Variants in STMP1 observed in about 807,000 individuals in gnomAD.
STMP1 encodes mitolamban.
Under a neutral mutation model 7.0 loss-of-function variants are expected in STMP1, and 7 were observed. The ratio of observed to expected loss-of-function variants is 1.01; its 90% CI spans 0.57 to 1.89. STMP1 has a LOEUF of 1.89. Among genes scored for constraint, STMP1 ranks in the 40% most tolerant of loss-of-function variants. STMP1 has a pLI of 0.00. For missense variants in STMP1, 45 were observed against 53.0 expected (o/e 0.85, Z 0.47); for synonymous variants, 19 against 18.4 (o/e 1.03, Z -0.08).
chr7:135,668,827 T>C (rs192743240), intron 1 of STMP1, among the ~76,000 whole-genome samples: 2 of 152,380 alleles, frequency 1.3e-5, no homozygotes, highest in Admixed American at 6.5e-5. Flanking sequence ...AGTCATCACA[T>C]GTCCATTCCC....
At chr7:135,663,640 G>A (rs895754434) in intron 1 of STMP1, among the ~76,000 whole-genome samples, 1 of 151,760 alleles carries the variant, frequency 6.6e-6, no homozygotes, top group East Asian at 1.9e-4. Flanking sequence ...CACTGCTCCC[G>A]GCTCAAATGC....
chr7:135,672,137 G>A (rs991095757), intron 1 of STMP1, among the ~76,000 whole-genome samples: 3 of 152,060 alleles, frequency 2.0e-5, no homozygotes, highest in African/African-American at 4.8e-5. Context: ...GAGCCACCAC[G>A]CCTGGCTAAT....
intron 1 of STMP1, among the ~76,000 whole-genome samples, chr7:135,665,333 C>T (rs540916064): frequency 8.5e-5 from 13 of 152,164 alleles, no homozygotes; most frequent in Admixed American, 3.9e-4. Flanking sequence ...TTGGTGATAA[C>T]GTCCTTCCAT....
At chr7:135,667,015 ATCC>A (rs1196928983) in intron 1 of STMP1, among the ~76,000 whole-genome samples, 1 of 152,150 alleles carries the variant, frequency 6.6e-6, no homozygotes, top group African/African-American at 2.4e-5. Flanking sequence ...ATTTCTCCAC[ATCC>A]TCGCCAACAT....
intron 1 of STMP1, among the ~76,000 whole-genome samples, chr7:135,668,366 A>C (rs1183772931): frequency 1.3e-5 from 2 of 152,028 alleles, no homozygotes; most frequent in Non-Finnish European, 2.9e-5. Flanking sequence ...CAGTGCTTTC[A>C]TCATGTTGCT....
At chr7:135,674,003 G>A in intron 2 of STMP1, 88 bp from the exon 3 acceptor site, 2 of 831,948 alleles carry the variant, frequency 2.4e-6, no homozygotes, top group Non-Finnish European at 3.8e-6. Context: ...ATAAAAGCTT[G>A]TAAAACCATT....
Position 135,675,443 on chromosome 7 carries a change from C to T in STMP1, c.*1278C>T, listed in dbSNP as rs73452485. 1 of 151,590 alleles carries T rather than the reference C, an allele frequency of 6.6e-6. No individual in the cohort carries two copies. The highest frequency in any genetic ancestry group is 2.4e-5 in the African/African-American group (1 of 41,342). The allele number at this position is 151,590 out of a possible 1,614,324, so 9.4% of individuals were successfully genotyped here. A position where few individuals can be genotyped will look rare whatever the true frequency, so the allele number is the denominator to read the frequency against. On this transcript the variant is annotated 3_prime_UTR_variant, in exon 3 of 3. Transcript: ENST00000507606. ...GCAAGGAACCTCATTCTTTTTTTGG[C>T]TGCCTAAAATTTTTTTGAATAGATA...
At chr7:135,662,679 C>G (rs1795246686) in intron 1 of STMP1, 85 bp downstream of exon 1, 2 of 1,471,950 alleles carry the variant, frequency 1.4e-6, no homozygotes, top group Non-Finnish European at 1.8e-6. Context: ...CCGACCCCGC[C>G]GACCCGGCCT....
intron 2 of STMP1, 50 bp from the exon 3 acceptor site, chr7:135,674,041 A>G: frequency 8.6e-7 from 1 of 1,167,516 alleles, no homozygotes; most frequent in East Asian, 2.6e-5. Context: ...AAGTACAAGA[A>G]TATTGATTAG....
In STMP1 at chr7:135,674,106, A is replaced by C; in HGVS notation, c.85A>C (p.Lys29Gln). The change falls in exon 3 of 3, where the codon AAA becomes CAA. Residue 29 changes from lysine to glutamine, a missense_variant. Coordinates refer to ENST00000507606, the MANE Select transcript of STMP1 (RefSeq NM_001130929.2). ...AQNYDIPNLAKKLEEIKKDLD... is the reference protein window; with the variant it reads ...AQNYDIPNLAQKLEEIKKDLD... ...CTCTTCAAAGATACCAAACCTGGCTAAAAAACTTGAAGAAATTAAAAAGGA... is the reference window on the plus strand; with the variant it reads ...CTCTTCAAAGATACCAAACCTGGCTCAAAAACTTGAAGAAATTAAAAAGGA... 6.4e-7 allele frequency: 1 copy of C among 1,550,536 alleles called. No individual in the cohort carries two copies. The highest frequency in any genetic ancestry group is 1.4e-5 in the African/African-American group (1 of 73,080).
At chr7:135,668,684 G>A (rs113354633) in intron 1 of STMP1, among the ~76,000 whole-genome samples, 77 of 152,324 alleles carry the variant, frequency 5.1e-4, no homozygotes, top group African/African-American at 1.7e-3. Flanking sequence ...GATTACAAGC[G>A]TAGCCATTGT....
At chr7:135,671,544 T>A (rs948538655) in intron 1 of STMP1, among the ~76,000 whole-genome samples, 2 of 152,226 alleles carry the variant, frequency 1.3e-5, no homozygotes, top group African/African-American at 4.8e-5. Flanking sequence ...AAACAGGGAA[T>A]TATTATCATT....
intron 1 of STMP1, among the ~76,000 whole-genome samples, chr7:135,668,658 C>T (rs1192370381): frequency 6.6e-6 from 1 of 152,248 alleles, no homozygotes; most frequent in East Asian, 1.9e-4. Context: ...CTCACCTTGT[C>T]TTCCCAAAGT....
At chr7:135,665,236 T>C (rs954109799) in intron 1 of STMP1, among the ~76,000 whole-genome samples, 10 of 152,216 alleles carry the variant, frequency 6.6e-5, no homozygotes, top group Non-Finnish European at 1.2e-4. Context: ...AGCAGTGCGT[T>C]GTCATTACAC....
At chr7:135,669,035 C>T (rs1184846373) in intron 1 of STMP1, among the ~76,000 whole-genome samples, 1 of 152,234 alleles carries the variant, frequency 6.6e-6, no homozygotes. Context: ...CAAGTAACGT[C>T]TTACATGGAT....
At chr7:135,670,399 A>G (rs917156118) in intron 1 of STMP1, among the ~76,000 whole-genome samples, 1 of 152,142 alleles carries the variant, frequency 6.6e-6, no homozygotes, top group Non-Finnish European at 1.5e-5. Flanking sequence ...CTTGGCCTGC[A>G]AGGAGGTTTC....
intron 1 of STMP1, among the ~76,000 whole-genome samples, chr7:135,668,529 A>C (rs1467993678): frequency 2.0e-5 from 3 of 152,106 alleles, no homozygotes. Context: ...CAGCCTCCAG[A>C]GTAGCTGGGA....
chr7:135,674,473 A>AT lies in STMP1; in HGVS notation c.*313dup. On this transcript the variant is annotated 3_prime_UTR_variant, in exon 3 of 3. Transcript: ENST00000507606. ...AGTAGTGTCTTCTTTATCGTTTGCG[A>AT]TTTTTACTACCTTTTTTCAAAAGAA... 3.9e-6 allele frequency: 1 copy of AT among 254,170 alleles called. No homozygotes were observed. Among genetic ancestry groups the AT allele is most frequent in the African/African-American group, 2.2e-5 (1 of 44,980 alleles). 15.7% of individuals were successfully genotyped at this position (254,170 alleles called of 1,614,324 possible).
At chr7:135,670,761 C>T (rs1279178654) in intron 1 of STMP1, among the ~76,000 whole-genome samples, 1 of 152,104 alleles carries the variant, frequency 6.6e-6, no homozygotes, top group Non-Finnish European at 1.5e-5. Context: ...CAAAATGAAG[C>T]CACGTTAGAC....
Sources: gnomAD v4.1 joint callset for allele counts (sites outside exome capture counted in the v4.1 genomes callset) on GRCh38, gnomAD v4.1.1 for gene constraint, MANE v1.5 for transcripts, NCBI Gene and HGNC (gene_info 2026-07-23, HGNC 2026-07-21) for gene names.